Variants in MDC1 observed in about 807,000 individuals in gnomAD.
MDC1 encodes mediator of DNA damage checkpoint protein 1.
Under a neutral mutation model 142.5 loss-of-function variants are expected in MDC1, and 81 were observed. The ratio of observed to expected loss-of-function variants is 0.57; its 90% CI spans 0.47 to 0.68. The LOEUF (loss-of-function observed/expected upper bound fraction) is 0.68, where lower values mean the gene tolerates loss of function less well. MDC1 is among the 30% of genes least tolerant of loss of function. MDC1 has a pLI of 0.00. For missense variants in MDC1, 2,119 were observed against 2,547.9 expected (o/e 0.83, Z 3.62); for synonymous variants, 797 against 968.4 (o/e 0.82, Z 3.29).
rs1773225200 is a variant in MDC1 at position 30,703,870 on chromosome 6, AG to A, written c.5312del (p.Pro1771LeufsTer45). ...CAAGAAGCTGGGGAGAGGCAGGCTC[AG>A]GAATGGCTGTAAGGGATTCAGCTGC... ...VRAAESLTAI[P>X]EPASPQLLET... On this transcript the variant is annotated frameshift_variant, in exon 10 of 15. Coordinates refer to ENST00000376406, the MANE Select transcript of MDC1 (RefSeq NM_014641.3). LOFTEE classifies it high-confidence loss of function. This position sits in a 1 kb window ranked among gnomAD's most constrained non-coding sequence, Gnocchi z 4.4. 6.2e-7 allele frequency: 1 copy of A among 1,614,080 alleles called. No homozygotes were observed. The highest frequency in any genetic ancestry group is 1.3e-5 in the African/African-American group (1 of 75,050).
At position 30,700,295 on chromosome 6, in the gene MDC1, C is replaced by A. The variant is rs910232810; in HGVS notation, c.*170G>T. On this transcript the variant is annotated 3_prime_UTR_variant, in exon 15 of 15. Coordinates refer to ENST00000376406, the MANE Select transcript of MDC1 (RefSeq NM_014641.3). ...AACAAACAAACAAACAAAAAACAAC[C>A]TGTGGCTTCCAAATCCCTTATCTTT... 4 of 593,198 alleles carry A rather than the reference C, an allele frequency of 6.7e-6. No homozygotes were observed. The African/African-American group carries it at 7.6e-5, about 11-fold the overall frequency. The allele number at this position is 593,198 out of a possible 1,614,324, so 36.7% of individuals were successfully genotyped here.
In MDC1 at chr6:30,702,821, C is replaced by G; in HGVS notation, c.5922G>C (p.Glu1974Asp). ...GGCTAAAGCCAAAGTTCTTCTCTTG[C>G]TCAGGGTCGGTCACCACATATTCAT... ...PPDEYVVTDPEQEKNFGFSLQ... is the reference protein window; with the variant it reads ...PPDEYVVTDPDQEKNFGFSLQ... The change falls in exon 13 of 15, where the codon GAG becomes GAC. Residue 1974 changes from glutamate to aspartate, a missense_variant. By Grantham distance (45) the Glu-to-Asp change is conservative. Coordinates refer to ENST00000376406, the MANE Select transcript of MDC1 (RefSeq NM_014641.3). The G allele has an allele frequency of 6.2e-7, 1 of 1,613,150 alleles. No individual in the cohort carries two copies. The highest frequency in any genetic ancestry group is 1.3e-5 in the African/African-American group (1 of 75,038).
Position 30,709,963 on chromosome 6 carries a change from C to T in MDC1, c.2221+1449G>A, listed in dbSNP as rs1376881362. Among the ~76,000 whole-genome samples the T allele has an allele frequency of 6.6e-6, 1 of 152,160 alleles. No homozygotes were observed. The highest frequency in any genetic ancestry group is 1.5e-5 in the Non-Finnish European group (1 of 68,022). ...GTGGCATGACCTCAGCTCACTGCAACCTCTGCGTCTTAGGCAGCAATCCTC... is the reference window on the plus strand; with the variant it reads ...GTGGCATGACCTCAGCTCACTGCAATCTCTGCGTCTTAGGCAGCAATCCTC... On this transcript the variant is annotated intron_variant, in intron 7 of 14. Transcript: ENST00000376406. This position sits in a 1 kb window ranked among gnomAD's most constrained non-coding sequence, Gnocchi z 4.2.
chr6:30,703,459 G>A lies in MDC1; in HGVS notation c.5641C>T (p.Leu1881Phe), dbSNP rs1773135105. ...EEPNRIPSRS[L>F]RRTKLNQEST... The stretch of plus-strand genomic sequence containing the variant: ...TCTTGGTTAAGTTTGGTCCGTCGGA[G>A]GCTGCGGCTTGGTATTCTGTTGGGC... Residue 1881 changes from leucine to phenylalanine, a missense_variant, in exon 11 of 15, where the codon CTC (leucine) becomes TTC (phenylalanine). Leu to Phe is a conservative substitution (Grantham distance 22). Coordinates refer to ENST00000376406, the MANE Select transcript of MDC1 (RefSeq NM_014641.3). The surrounding 1 kb of genome is among the most constrained non-coding windows in gnomAD (Gnocchi z 4.4). 1 of 1,614,026 alleles carries A rather than the reference G, an allele frequency of 6.2e-7. No individual in the cohort carries two copies. Among genetic ancestry groups the A allele is most frequent in the Admixed American group, 1.7e-5 (1 of 60,016 alleles).
intron 9 of MDC1, among the ~76,000 whole-genome samples, chr6:30,706,620 TAAAAAAAAAAAAAA>T (rs9278748): frequency 2.3e-5 from 1 of 42,788 alleles, no homozygotes; most frequent in Admixed American, 3.5e-4. Context: ...AGACTCTGTC[TAAAAAAAAAAAAAA>T]AAAAAAAAAA....
chr6:30,700,636 G>A lies in MDC1; in HGVS notation c.6103-4C>T, dbSNP rs779205557. 2 of 1,612,628 alleles carry A rather than the reference G, an allele frequency of 1.2e-6. No homozygotes were observed. The highest frequency in any genetic ancestry group is 1.7e-5 in the Admixed American group (1 of 59,994). On this transcript the variant is annotated splice_polypyrimidine_tract_variant and splice_region_variant and intron_variant, in intron 14 of 14. Coordinates refer to ENST00000376406, the MANE Select transcript of MDC1 (RefSeq NM_014641.3). Reference sequence around the variant, plus strand: ...ATGTGATCACAACTCTCTGAGGCTGGGGAAGACAGAGCAAAGGCAAAATCA... The same window carrying A: ...ATGTGATCACAACTCTCTGAGGCTGAGGAAGACAGAGCAAAGGCAAAATCA...
chr6:30,700,724 A>T, intron 14 of MDC1, 92 bp from the exon 15 acceptor site: 1 of 1,273,482 alleles, frequency 7.9e-7, no homozygotes. Flanking sequence ...TCACTAAAAT[A>T]ATACCTCCTA....
rs183114610 is a variant in MDC1 at position 30,709,474 on chromosome 6, T to A, written c.2222-1117A>T. Among the ~76,000 whole-genome samples the A allele has an allele frequency of 2.5e-4, 38 of 152,370 alleles. No individual in the cohort carries two copies. The East Asian group carries it at 5.4e-3, about 22-fold the overall frequency. ...ATGTACAATGATAAAACCAAGATAA[T>A]TGGGATATCCACTATCTCAAACATT... On this transcript the variant is annotated intron_variant, in intron 7 of 14. Transcript: ENST00000376406. This position sits in a 1 kb window ranked among gnomAD's most constrained non-coding sequence, Gnocchi z 4.2.
At chr6:30,701,902 G>A (rs1258760157) in intron 14 of MDC1, among the ~76,000 whole-genome samples, 27 of 151,362 alleles carry the variant, frequency 1.8e-4, no homozygotes, top group Non-Finnish European at 3.7e-4. Context: ...TTTCAGCAAA[G>A]AAAGAGAAAG....
Position 30,711,745 on chromosome 6 carries a change from A to T in MDC1, c.2069-19T>A. ...TCAGAATCTGGTCGGGGAGGAATATAAGACAGTTTAAAACAAAAATCATAC... is the reference window on the plus strand; with the variant it reads ...TCAGAATCTGGTCGGGGAGGAATATTAGACAGTTTAAAACAAAAATCATAC... On this transcript the variant is annotated intron_variant, in intron 5 of 14. Transcript: ENST00000376406. 6.2e-7 allele frequency: 1 copy of T among 1,606,520 alleles called. No homozygotes were observed. The highest frequency in any genetic ancestry group is 1.3e-5 in the African/African-American group (1 of 74,748).
In MDC1 at chr6:30,709,229, T is replaced by G. The variant is rs1243380874; in HGVS notation, c.2222-872A>C. On this transcript the variant is annotated intron_variant, in intron 7 of 14. Transcript: ENST00000376406. The surrounding 1 kb of genome is among the most constrained non-coding windows in gnomAD (Gnocchi z 4.2). ...TTTGTATTTGTTGTAGAGATGGGGTTTGGTCTTGAACTCTTAGACTCAAGT... is the reference window on the plus strand; with the variant it reads ...TTTGTATTTGTTGTAGAGATGGGGTGTGGTCTTGAACTCTTAGACTCAAGT... Among the ~76,000 whole-genome samples, 1 of 152,208 alleles carries G rather than the reference T, an allele frequency of 6.6e-6. No individual in the cohort carries two copies. Among genetic ancestry groups the G allele is most frequent in the Non-Finnish European group, 1.5e-5 (1 of 68,040 alleles).
At position 30,703,814 on chromosome 6, in the gene MDC1, T is replaced by A; in HGVS notation, c.5369A>T (p.Lys1790Met). The A allele has an allele frequency of 6.2e-7, 1 of 1,606,858 alleles. No homozygotes were observed. The highest frequency in any genetic ancestry group is 8.5e-7 in the Non-Finnish European group (1 of 1,176,536). Reference protein sequence around the residue: ...ETPIHASQIQKVEPAGRSRFT... With the variant: ...ETPIHASQIQMVEPAGRSRFT... ...CCTAGATCTACCTGCTGGTTCCACC[T>A]TTTGGATCTGGGAGGCATGAATTGG... The change falls in exon 10 of 15, where the codon AAG (lysine) becomes ATG (methionine). Residue 1790 changes from lysine (K) to methionine (M), a missense_variant. Physicochemically the swap from Lys to Met is moderately conservative, Grantham distance 95. Coordinates refer to ENST00000376406, the MANE Select transcript of MDC1 (RefSeq NM_014641.3). The surrounding 1 kb of genome is among the most constrained non-coding windows in gnomAD (Gnocchi z 4.4).
Position 30,712,586 on chromosome 6 carries a change from G to C in MDC1, c.1356C>G (p.Asp452Glu). The C allele has an allele frequency of 6.2e-7, 1 of 1,613,008 alleles. No homozygotes were observed. The highest frequency in any genetic ancestry group is 8.5e-7 in the Non-Finnish European group (1 of 1,180,022). The change falls in exon 5 of 15, where the codon GAC becomes GAG. Residue 452 changes from aspartate (D) to glutamate (E), a missense_variant. By Grantham distance (45) the Asp-to-Glu change is conservative. Transcript: ENST00000376406. The surrounding 1 kb of genome is among the most constrained non-coding windows in gnomAD (Gnocchi z 4.7). ...LQRSQTTTERDSDTDVEEEEL... is the reference protein window; with the variant it reads ...LQRSQTTTERESDTDVEEEEL... ...CTTCCTCCTCCACGTCTGTGTCACTGTCTCTCTCAGTGGTGGTTTGGCTTC... is the reference window on the plus strand; with the variant it reads ...CTTCCTCCTCCACGTCTGTGTCACTCTCTCTCTCAGTGGTGGTTTGGCTTC...
rs779002074 is a variant in MDC1 at position 30,706,049 on chromosome 6, G to A, written c.3134C>T (p.Ala1045Val). ...AAGGGGCTTTTGGGGTGGGGCTGGG[G>A]CTTCAGGTACTGTAGGAGGCAGACA... ...DACLPPTVPE[A>V]PAPPQKPLNS... Residue 1045 changes from alanine (A) to valine (V), a missense_variant, in exon 10 of 15, where the codon GCC (alanine) becomes GTC (valine). Coordinates refer to ENST00000376406, the MANE Select transcript of MDC1 (RefSeq NM_014641.3). The A allele has an allele frequency of 1.3e-4, 207 of 1,600,678 alleles. 1 individual carries two copies. The South Asian group carries it at 2.0e-3, about 16-fold the overall frequency.
In MDC1 at chr6:30,704,127, A is replaced by C. The variant is rs764382467; in HGVS notation, c.5056T>G (p.Ser1686Ala). The change falls in exon 10 of 15, where the codon TCT becomes GCT. Residue 1686 changes from serine (S) to alanine (A), a missense_variant. Coordinates refer to ENST00000376406, the MANE Select transcript of MDC1 (RefSeq NM_014641.3). Reference protein sequence around the residue: ...AQGGQSKTLRSSTVRAMPVPT... With the variant: ...AQGGQSKTLRASTVRAMPVPT... ...ACCGGCATAGCTCTTACTGTGGAAG[A>C]CCTCAGTGTTTTGCTCTGACCACCC... 1 of 1,613,826 alleles carries C rather than the reference A, an allele frequency of 6.2e-7. No homozygotes were observed. Among genetic ancestry groups the C allele is most frequent in the Non-Finnish European group, 8.5e-7 (1 of 1,179,890 alleles).
At position 30,702,851 on chromosome 6, in the gene MDC1, G is replaced by A. The variant is rs747727839; in HGVS notation, c.5892C>T (p.Pro1964=). ...HQSRKAGFFL[P]PDEYVVTDPE... is the part of the protein sequence containing the mutation. ...GGTCGGTCACCACATATTCATCCGG[G>A]GGTAAGAAGAAACCAGCCTTGCGGG... Residue 1964 remains proline (P), a synonymous_variant, in exon 13 of 15, where the codon CCC becomes CCT. Transcript: ENST00000376406. The A allele has an allele frequency of 1.1e-5, 18 of 1,613,098 alleles. No individual in the cohort carries two copies. The highest frequency in any genetic ancestry group is 1.5e-5 in the Non-Finnish European group (18 of 1,180,032).
Position 30,713,493 on chromosome 6 carries a change from T to G in MDC1, c.588-139A>C. 8.0e-7 allele frequency: 1 copy of G among 1,243,378 alleles called. No individual in the cohort carries two copies. The highest frequency in any genetic ancestry group is 1.5e-5 in the South Asian group (1 of 65,256). The allele number at this position is 1,243,378 out of a possible 1,614,324, so 77.0% of individuals were successfully genotyped here. On this transcript the variant is annotated intron_variant, in intron 4 of 14. Coordinates refer to ENST00000376406, the MANE Select transcript of MDC1 (RefSeq NM_014641.3). The surrounding 1 kb of genome is among the most constrained non-coding windows in gnomAD (Gnocchi z 4.9). ...TCCAATTTGTTTTCCACTTGGCACA[T>G]CAGATGTGCTCCATAAAAATTCAGC...
chr6:30,704,548 T>A lies in MDC1; in HGVS notation c.4635A>T (p.Gln1545His). 1 of 1,556,832 alleles carries A rather than the reference T, an allele frequency of 6.4e-7. No individual in the cohort carries two copies. Among genetic ancestry groups the A allele is most frequent in the Non-Finnish European group, 8.7e-7 (1 of 1,154,614 alleles). Residue 1545 changes from glutamine to histidine, a missense_variant, in exon 10 of 15, where the codon CAA becomes CAT. By Grantham distance (24) the Gln-to-His change is conservative. Coordinates refer to ENST00000376406, the MANE Select transcript of MDC1 (RefSeq NM_014641.3). ...GAGATGTGGGCTCAGGGGTGACAGG[T>A]TGGTCTGTGGAGGTGGAAGGCTGGA... ...PELQPSTSTD[Q>H]PVTPEPTSRA...
rs750595096 is a variant in MDC1, at chr6:30,703,960, AG to A, written c.5222del (p.Pro1741LeufsTer21). On this transcript the variant is annotated frameshift_variant, in exon 10 of 15. Transcript: ENST00000376406. LOFTEE classifies it high-confidence loss of function. The surrounding 1 kb of genome is among the most constrained non-coding windows in gnomAD (Gnocchi z 4.4). ...GSLAAPIDHK[P>X]CSAPLEPKSQ... ...ATTTAGGTTCCAAGGGTGCAGAGCAAGGCTTATGGTCAATGGGAGCTGCGAG... is the reference window on the plus strand; with the variant it reads ...ATTTAGGTTCCAAGGGTGCAGAGCAAGCTTATGGTCAATGGGAGCTGCGAG... 1.9e-6 allele frequency: 3 copies of A among 1,614,120 alleles called. No individual in the cohort carries two copies. The South Asian group carries it at 3.3e-5, about 18-fold the overall frequency.
Sources: gnomAD v4.1 joint callset for allele counts (sites outside exome capture counted in the v4.1 genomes callset) on GRCh38, gnomAD v4.1.1 for gene constraint, Gnocchi (gnomAD v3.1) non-coding constraint, MANE v1.5 for transcripts, NCBI Gene and HGNC (gene_info 2026-07-23, HGNC 2026-07-21) for gene names.